Variants in RYR2 observed in about 807,000 individuals in gnomAD.
The protein encoded by RYR2 is ryanodine receptor 2, also known as cardiac muscle ryanodine receptor-calcium release channel.
A neutral mutation model predicts 601.1 loss-of-function variants in RYR2; 227 were observed. The observed-to-expected ratio is 0.38, with a 90% CI of 0.34 to 0.42. RYR2 has a LOEUF of 0.42. RYR2 is among the 10% of genes least tolerant of loss of function. The pLI, the probability that RYR2 is intolerant of heterozygous loss-of-function variation, is 1.00. For synonymous variants in RYR2, 2,223 were observed against 2,175.1 expected, an observed-to-expected ratio of 1.02 and a Z score of -0.61; for missense variants, 4,646 against 6,156.5, an observed-to-expected ratio of 0.75 and a Z score of 8.21.
At chr1:237,093,057 C>T (rs1667140908) in intron 1 of RYR2, among the ~76,000 whole-genome samples, 1 of 152,158 alleles carries the variant, frequency 6.6e-6, no homozygotes, top group South Asian at 2.1e-4. Context: ...CCATCCAGTA[C>T]CACTAGCCAC....
At chr1:237,623,702 A>G in intron 38 of RYR2, 63 bp from the exon 39 acceptor site, 2 of 1,108,128 alleles carry the variant, frequency 1.8e-6, no homozygotes, top group Non-Finnish European at 2.7e-6. Context: ...CTGCTGTGCC[A>G]TTCTTGAATT....
chr1:237,733,591 T>C (rs1690879723), intron 78 of RYR2, 114 bp from the exon 79 acceptor site: 1 of 715,984 alleles, frequency 1.4e-6, no homozygotes, highest in Non-Finnish European at 2.5e-6. Flanking sequence ...CATTTAATTT[T>C]AAAAAGGTAT....
chr1:237,774,722 C>T (rs1694519754), intron 87 of RYR2, among the ~76,000 whole-genome samples: 1 of 152,150 alleles, frequency 6.6e-6, no homozygotes, highest in Non-Finnish European at 1.5e-5. Flanking sequence ...TTAGTATTCT[C>T]ATGCATGCCT....
intron 1 of RYR2, among the ~76,000 whole-genome samples, chr1:237,142,074 T>C (rs774400947): frequency 3.3e-5 from 5 of 152,188 alleles, no homozygotes; most frequent in Admixed American, 1.3e-4. Context: ...GGAGATGCCT[T>C]ATGACCAGGT....
In RYR2 at chr1:237,399,796, G is replaced by A. The variant is rs751224471; in HGVS notation, c.773+11613G>A. ...GGTACAGAAGTGGAGTGTGTGAGAC[G>A]TGCAGTTTCGGGGGAACAATGGGTA... is the stretch of plus-strand genomic sequence containing the variant. On this transcript the variant is annotated intron_variant, in intron 10 of 104. Coordinates refer to ENST00000366574, the MANE Select transcript of RYR2 (RefSeq NM_001035.3). Among the ~76,000 whole-genome samples the A allele has an allele frequency of 1.1e-4, 17 of 152,058 alleles. 1 individual carries two copies. Among genetic ancestry groups the A allele is most frequent in the Non-Finnish European group, 1.8e-4 (12 of 68,014 alleles).
At chr1:237,653,203 T>C (rs1558147968) in intron 51 of RYR2, among the ~76,000 whole-genome samples, 1 of 152,140 alleles carries the variant, frequency 6.6e-6, no homozygotes, top group East Asian at 1.9e-4. Context: ...ATTGCATCCA[T>C]AACCACCAAA....
chr1:237,609,354 C>G (rs1189933448), intron 35 of RYR2, among the ~76,000 whole-genome samples: 1 of 143,800 alleles, frequency 7.0e-6, no homozygotes, highest in Non-Finnish European at 1.5e-5. Context: ...CTCCCTCCCC[C>G]CTTCTCCCCT....
chr1:237,709,656 G>C lies in RYR2; in HGVS notation c.10230+89G>C, dbSNP rs996868163. The C allele has an allele frequency of 1.3e-5, 9 of 709,448 alleles. No homozygotes were observed. The Admixed American group carries it at 2.1e-4, about 17-fold the overall frequency. 43.9% of individuals were successfully genotyped at this position (709,448 alleles called of 1,614,324 possible). A position where few individuals can be genotyped will look rare whatever the true frequency, so the allele number is the denominator to read the frequency against. On this transcript the variant is annotated intron_variant, in intron 70 of 104. Transcript: ENST00000366574. The stretch of plus-strand genomic sequence containing the variant: ...AGGTTTCATGTAACAGTTGAGGAGA[G>C]AGAATAGGTTCCCCTGAGGAGTTTG...
At chr1:237,735,020 G>A (rs1412485548) in intron 79 of RYR2, among the ~76,000 whole-genome samples, 1 of 152,096 alleles carries the variant, frequency 6.6e-6, no homozygotes, top group Non-Finnish European at 1.5e-5. Context: ...AGAAGGAAAG[G>A]AGCTCATAAA....
At chr1:237,444,002 G>C (rs1277973731) in intron 13 of RYR2, among the ~76,000 whole-genome samples, 2 of 152,064 alleles carry the variant, frequency 1.3e-5, no homozygotes, top group Non-Finnish European at 2.9e-5. Context: ...GTCTTATTTG[G>C]CTAAAAATCT....
chr1:237,163,344 C>T (rs1676248036), intron 1 of RYR2, among the ~76,000 whole-genome samples: 1 of 82,170 alleles, frequency 1.2e-5, no homozygotes, highest in Non-Finnish European at 3.1e-5. Flanking sequence ...ACCGCCCACC[C>T]CCAACCCCCT....
chr1:237,083,685 CTG>C (rs1398866708), intron 1 of RYR2, among the ~76,000 whole-genome samples: 1 of 152,174 alleles, frequency 6.6e-6, no homozygotes, highest in Non-Finnish European at 1.5e-5. Context: ...TGCCCTTTAA[CTG>C]TGCTCCTCTA....
intron 63 of RYR2, among the ~76,000 whole-genome samples, chr1:237,698,421 T>G (rs2256949): frequency 0.98 from 149,005 of 152,038 alleles, 73,087 homozygotes; most frequent in East Asian, 1. Context: ...TTACATGACG[T>G]TTTGGTGCTT....
chr1:237,453,188 G>A (rs1368484953), intron 14 of RYR2, among the ~76,000 whole-genome samples: 1 of 152,024 alleles, frequency 6.6e-6, no homozygotes, highest in Non-Finnish European at 1.5e-5. Context: ...AGTCACTCTT[G>A]CATTTTGGGC....
intron 80 of RYR2, among the ~76,000 whole-genome samples, chr1:237,746,329 C>T (rs945558929): frequency 6.6e-6 from 1 of 151,990 alleles, no homozygotes; most frequent in Non-Finnish European, 1.5e-5. Context: ...TATCCCTATA[C>T]CTGGTTAATT....
At chr1:237,167,592 TA>T (rs1436094329) in intron 1 of RYR2, among the ~76,000 whole-genome samples, 1 of 152,026 alleles carries the variant, frequency 6.6e-6, no homozygotes, top group East Asian at 1.9e-4. Context: ...AATTAGGGAA[TA>T]AATATAGTTC....
intron 1 of RYR2, among the ~76,000 whole-genome samples, chr1:237,163,222 T>A (rs1676235327): frequency 6.6e-6 from 1 of 152,188 alleles, no homozygotes; most frequent in Non-Finnish European, 1.5e-5. Context: ...ACATGCAGTG[T>A]TAACCAGCAG....
rs188887513 is a variant in RYR2, at chr1:237,102,691, A to C, written c.48+60122A>C. On this transcript the variant is annotated intron_variant, in intron 1 of 104. Coordinates refer to ENST00000366574, the MANE Select transcript of RYR2 (RefSeq NM_001035.3). ...GCCAACATTGTGAAACCCCTTCTCTACTAAAAATACAAAAATTAGCTGGGC... is the reference window on the plus strand; with the variant it reads ...GCCAACATTGTGAAACCCCTTCTCTCCTAAAAATACAAAAATTAGCTGGGC... Among the ~76,000 whole-genome samples the C allele has an allele frequency of 5.6e-3, 848 of 152,210 alleles. 3 individuals carry two copies. Among genetic ancestry groups the C allele is most frequent in the Middle Eastern group, 0.031 (9 of 294 alleles).
At position 237,810,318 on chromosome 1, in the gene RYR2, G is replaced by C. The variant is rs1291177862; in HGVS notation, c.14433+1283G>C. ...CAATAGAAGAACAAGTAAGTCACAT[G>C]ACCAGACAATTCACGGTAAAATTAA... On this transcript the variant is annotated intron_variant, in intron 100 of 104. Transcript: ENST00000366574. Among the ~76,000 whole-genome samples the C allele has an allele frequency of 2.0e-5, 3 of 152,152 alleles. No homozygotes were observed. The East Asian group carries it at 5.8e-4, about 29-fold the overall frequency.
Sources: allele counts gnomAD v4.1 joint callset (sites outside exome capture counted in the v4.1 genomes callset), GRCh38; gene constraint gnomAD v4.1.1; transcripts MANE v1.5; gene names NCBI Gene and HGNC (gene_info 2026-07-23, HGNC 2026-07-21).